ATP11C: variants seen among roughly 807,000 people sequenced by gnomAD.
ATP11C encodes phospholipid-transporting ATPase IG.
Under a neutral mutation model 97.4 loss-of-function variants are expected in ATP11C, and 36 were observed. The observed-to-expected ratio is 0.37, with a 90% CI of 0.28 to 0.49. The LOEUF is 0.49. ATP11C is among the 20% of genes least tolerant of loss of function. The pLI is 0.98. For missense variants in ATP11C, 730 were observed against 824.6 expected, an observed-to-expected ratio of 0.89 and a Z score of 1.40; for synonymous variants, 275 against 290.9, an observed-to-expected ratio of 0.95 and a Z score of 0.56.
chrX:139,729,078 TAAC>T, intron 29 of ATP11C, 116 bp from the exon 30 acceptor site: 1 of 516,093 alleles, frequency 1.9e-6, no homozygotes, highest in Non-Finnish European at 3.1e-6. Flanking sequence ...GCAACTGTCT[TAAC>T]AAAGTGCCAA....
Position 139,909,538 on chromosome X carries a change from TACAC to T in ATP11C, c.27+22474_27+22477del, listed in dbSNP as rs371406757. Among the ~76,000 whole-genome samples the T allele has an allele frequency of 2.2e-4, 24 of 107,908 alleles. 1 individual carries two copies. Among genetic ancestry groups the T allele is most frequent in the Admixed American group, 1.0e-4 (1 of 10,024 alleles). The allele number at this position is 107,908 out of a possible 115,157, so 93.7% of individuals were successfully genotyped here. ...ATAAAACTGCATAGAACTAAACACA[TACAC>T]ACACACACACACACCCCATGCACAC... is the stretch of plus-strand genomic sequence containing the variant. On this transcript the variant is annotated intron_variant, in intron 1 of 29. Coordinates refer to ENST00000682941, the MANE Select transcript of ATP11C (RefSeq NM_001353812.2).
rs921510489 is a variant in ATP11C at position 139,931,978 on chromosome X, C to G, written c.27+38G>C. 1.1e-5 allele frequency: 13 copies of G among 1,148,804 alleles called. No individual in the cohort carries two copies. In the African/African-American group the frequency reaches 1.4e-4, roughly 13 times the overall value. The allele number at this position is 1,148,804 out of a possible 1,213,427, so 94.7% of individuals were successfully genotyped here. A position where few individuals can be genotyped will look rare whatever the true frequency, so the allele number is the denominator to read the frequency against. Reference sequence around the variant, plus strand: ...CCCGGCGAAGGGGCTGGCGAGCAAGCAAACCGGCACGCGCGGAGCCGCAGC... The same window carrying G: ...CCCGGCGAAGGGGCTGGCGAGCAAGGAAACCGGCACGCGCGGAGCCGCAGC... On this transcript the variant is annotated intron_variant, in intron 1 of 29. Transcript: ENST00000682941.
intron 1 of ATP11C, among the ~76,000 whole-genome samples, chrX:139,901,757 C>T (rs1373625525): frequency 9.0e-6 from 1 of 111,647 alleles, no homozygotes; most frequent in Non-Finnish European, 1.9e-5. Context: ...AGCAAGATAT[C>T]CTTAGTGTAA....
intron 18 of ATP11C, 126 bp downstream of exon 18, chrX:139,782,421 A>C: frequency 2.5e-6 from 1 of 404,970 alleles, no homozygotes; most frequent in East Asian, 4.3e-5. Context: ...ATAATAAATA[A>C]ATCTTTAAGT....
At chrX:139,766,141 C>G (rs939910083) in intron 20 of ATP11C, among the ~76,000 whole-genome samples, 6 of 111,757 alleles carry the variant, frequency 5.4e-5, no homozygotes, top group African/African-American at 2.0e-4. Flanking sequence ...AAGTAGATCA[C>G]CAAATATTTG....
rs765506313 is a variant in ATP11C at position 139,833,764 on chromosome X, C to T, written c.28-6941G>A. Among the ~76,000 whole-genome samples the T allele has an allele frequency of 2.7e-5, 3 of 111,058 alleles. No homozygotes were observed. In the East Asian group the frequency reaches 8.5e-4, roughly 32 times the overall value. On this transcript the variant is annotated intron_variant, in intron 1 of 29. Transcript: ENST00000682941. ...TCTGGAGAGGACAGGGAAAGCAAGACAGTTATGACTCTGAGAAATATTATT... is the reference window on the plus strand; with the variant it reads ...TCTGGAGAGGACAGGGAAAGCAAGATAGTTATGACTCTGAGAAATATTATT...
intron 25 of ATP11C, among the ~76,000 whole-genome samples, chrX:139,744,695 A>C (rs1415590151): frequency 1.8e-5 from 2 of 112,025 alleles, no homozygotes; most frequent in East Asian, 5.7e-4. Context: ...CTGACCTGGG[A>C]AACTGATGTG....
At chrX:139,756,848 C>T (rs1464866497) in intron 23 of ATP11C, among the ~76,000 whole-genome samples, 1 of 107,472 alleles carries the variant, frequency 9.3e-6, no homozygotes, top group African/African-American at 3.4e-5. Context: ...GGGAGAGGAT[C>T]AAAAAGCTAC....
intron 1 of ATP11C, among the ~76,000 whole-genome samples, chrX:139,841,188 C>T (rs2083824627): frequency 9.0e-6 from 1 of 111,362 alleles, no homozygotes; most frequent in Non-Finnish European, 1.9e-5. Flanking sequence ...GTAATGAAGC[C>T]CACACAAAGT....
intron 26 of ATP11C, among the ~76,000 whole-genome samples, chrX:139,743,191 ACTCT>A (rs757081610): frequency 1.2e-4 from 12 of 103,473 alleles, no homozygotes; most frequent in South Asian, 4.3e-4. Flanking sequence ...ACACACACAC[ACTCT>A]CTCTCTCTCT....
intron 27 of ATP11C, among the ~76,000 whole-genome samples, chrX:139,738,836 G>A (rs781595403): frequency 9.0e-6 from 1 of 110,556 alleles, no homozygotes; most frequent in Admixed American, 9.6e-5. Flanking sequence ...TGAGGGGGAA[G>A]AAGTGGTTGC....
chrX:139,809,626 A>G (rs1179479387), intron 5 of ATP11C, among the ~76,000 whole-genome samples: 1 of 112,322 alleles, frequency 8.9e-6, no homozygotes, highest in African/African-American at 3.2e-5. Context: ...TTGTGAATGT[A>G]CTTACTATAA....
intron 1 of ATP11C, among the ~76,000 whole-genome samples, chrX:139,854,132 A>T (rs1410812673): frequency 1.8e-5 from 2 of 111,960 alleles, no homozygotes; most frequent in Non-Finnish European, 3.8e-5. Flanking sequence ...CAGAGTTAGG[A>T]AAATGGCCTA....
At chrX:139,845,887 G>C (rs1474981316) in intron 1 of ATP11C, among the ~76,000 whole-genome samples, 1 of 111,984 alleles carries the variant, frequency 8.9e-6, no homozygotes, top group Non-Finnish European at 1.9e-5. Flanking sequence ...AAATATGCTT[G>C]AATAGATTTG....
At position 139,814,505 on chromosome X, in the gene ATP11C, TAAATA is replaced by T. The variant is rs747610844; in HGVS notation, c.426+368_426+372del. 1.3e-4 allele frequency among the ~76,000 whole-genome samples: 15 copies of T among 112,214 alleles called. No individual in the cohort carries two copies. The East Asian group carries it at 3.6e-3, about 27-fold the overall frequency. On this transcript the variant is annotated intron_variant, in intron 5 of 29. Transcript: ENST00000682941. ...ACCCAAATGTCCATCAGCTGGTGAATAAATAAAATGAAATGTTATTCAGCTATCAA... is the reference window on the plus strand; with the variant it reads ...ACCCAAATGTCCATCAGCTGGTGAATAAATGAAATGTTATTCAGCTATCAA...
chrX:139,870,826 G>C (rs1465969117), intron 1 of ATP11C, among the ~76,000 whole-genome samples: 1 of 111,742 alleles, frequency 8.9e-6, no homozygotes, highest in Non-Finnish European at 1.9e-5. Context: ...GGAGGCCGAG[G>C]CGGGTGGATC....
chrX:139,911,788 G>A (rs767679687), intron 1 of ATP11C, among the ~76,000 whole-genome samples: 2 of 111,224 alleles, frequency 1.8e-5, no homozygotes, highest in Admixed American at 1.9e-4. Flanking sequence ...AAGGCCCATC[G>A]ACAGGAGAAT....
At chrX:139,845,295 G>A (rs768747803) in intron 1 of ATP11C, among the ~76,000 whole-genome samples, 91 of 112,140 alleles carry the variant, frequency 8.1e-4, no homozygotes, top group Non-Finnish European at 1.4e-3. Flanking sequence ...AGAGGGCAAC[G>A]TGGAACAGAA....
intron 1 of ATP11C, among the ~76,000 whole-genome samples, chrX:139,917,955 CAAAAAAAAAA>C (rs774133039): frequency 1.0e-4 from 4 of 38,413 alleles, no homozygotes; most frequent in East Asian, 1.0e-3. Context: ...GGCTTTGTCT[CAAAAAAAAAA>C]AAAAAAAAAA....
Sources: allele counts gnomAD v4.1 joint callset (sites outside exome capture counted in the v4.1 genomes callset), GRCh38; gene constraint gnomAD v4.1.1; transcripts MANE v1.5; gene names NCBI Gene and HGNC (gene_info 2026-07-23, HGNC 2026-07-21).